Variants in PSEN2 observed in about 807,000 individuals in gnomAD.
PSEN2 encodes the protein presenilin-2.
In PSEN2, 32 loss-of-function variants were observed where a neutral mutation model predicts 49.1. The ratio of observed to expected loss-of-function variants is 0.65; its 90% confidence interval spans 0.49 to 0.88. The LOEUF (loss-of-function observed/expected upper bound fraction) is 0.88, where lower values mean the gene tolerates loss of function less well. PSEN2 is among the 40% of genes least tolerant of loss of function. PSEN2 has a pLI of 0.00. For missense variants in PSEN2, 522 were observed against 586.9 expected (o/e 0.89, Z 1.14); for synonymous variants, 255 against 244.0 (o/e 1.05, Z -0.42).
At chr1:226,885,463 C>A in intron 5 of PSEN2, 75 bp from the exon 6 acceptor site, 1 of 1,562,050 alleles carries the variant, frequency 6.4e-7, no homozygotes, top group Admixed American at 1.8e-5. Context: ...CCTAGCAGGT[C>A]CAGAATCACT....
At chr1:226,888,206 G>T in intron 7 of PSEN2, 48 bp downstream of exon 7, 1 of 1,484,518 alleles carries the variant, frequency 6.7e-7, no homozygotes, top group South Asian at 1.1e-5. Context: ...CTCTCCATGT[G>T]GCACAAGTGG....
At chr1:226,892,921 C>T (rs1379676446) in intron 11 of PSEN2, among the ~76,000 whole-genome samples, 1 of 152,258 alleles carries the variant, frequency 6.6e-6, no homozygotes, top group Middle Eastern at 3.4e-3. Context: ...CTTAAAATTG[C>T]AGTTTGTTTT....
chr1:226,897,107 T>C (rs1338536858), downstream of PSEN2, among the ~76,000 whole-genome samples: 1 of 151,912 alleles, frequency 6.6e-6, no homozygotes, highest in African/African-American at 2.4e-5. Context: ...AGACCTGGGA[T>C]GGGGGGCATT....
intron 7 of PSEN2, 46 bp downstream of exon 7, chr1:226,888,204 G>A: frequency 6.7e-7 from 1 of 1,489,010 alleles, no homozygotes; most frequent in Non-Finnish European, 9.4e-7. Flanking sequence ...CCCTCTCCAT[G>A]TGGCACAAGT....
intron 5 of PSEN2, 96 bp downstream of exon 5, chr1:226,884,015 C>A: frequency 9.4e-7 from 1 of 1,061,980 alleles, no homozygotes; most frequent in Non-Finnish European, 1.4e-6. Flanking sequence ...GTACCTGCAG[C>A]TCCACACCAG....
intron 2 of PSEN2, among the ~76,000 whole-genome samples, chr1:226,873,070 A>G (rs1167568819): frequency 6.6e-6 from 1 of 152,008 alleles, no homozygotes; most frequent in Admixed American, 6.5e-5. Flanking sequence ...CCAGCTACTC[A>G]GGAGGCTGAG....
intron 6 of PSEN2, among the ~76,000 whole-genome samples, chr1:226,887,798 A>G (rs1661459842): frequency 6.6e-6 from 1 of 152,122 alleles, no homozygotes; most frequent in Non-Finnish European, 1.5e-5. Flanking sequence ...CAAGTAGGAG[A>G]CACCCAGCAT....
At chr1:226,891,256 T>G (rs1661721704) in intron 9 of PSEN2, 22 bp from the exon 10 acceptor site, 1 of 1,611,782 alleles carries the variant, frequency 6.2e-7, no homozygotes, top group African/African-American at 1.3e-5. Context: ...GCCTGAGATG[T>G]GAACCTTTTC....
At chr1:226,872,580 G>A (rs984654557) in intron 2 of PSEN2, among the ~76,000 whole-genome samples, 7 of 152,158 alleles carry the variant, frequency 4.6e-5, no homozygotes, top group African/African-American at 1.4e-4. Flanking sequence ...GTCCCCATGA[G>A]CAACTTCCTG....
chr1:226,891,001 G>A (rs1306901070), intron 9 of PSEN2: 9 of 491,458 alleles, frequency 1.8e-5, no homozygotes, highest in South Asian at 4.6e-5. Context: ...CCCAGGGCTC[G>A]GGGGATTCAC....
At position 226,895,616 on chromosome 1, in the gene PSEN2, A is replaced by G. The variant is rs1381176458; in HGVS notation, c.*37A>G. On this transcript the variant is annotated 3_prime_UTR_variant, in exon 13 of 13. Transcript: ENST00000366783. ...TGCCACAGGCTGCAAGCTGCAGGGA[A>G]TTTTCATTGGATGCAGTTGTATAGT... is the stretch of plus-strand genomic sequence containing the variant. The G allele has an allele frequency of 1.3e-6, 2 of 1,590,478 alleles. No homozygotes were observed. The highest frequency in any genetic ancestry group is 1.8e-5 in the Admixed American group (1 of 56,694).
intron 11 of PSEN2, 41 bp downstream of exon 11, chr1:226,891,885 C>A: frequency 6.3e-7 from 1 of 1,581,250 alleles, no homozygotes; most frequent in Non-Finnish European, 8.7e-7. Context: ...CAGCCTACGG[C>A]GGGAGCGGAG....
chr1:226,889,255 G>A (rs1439277641), intron 8 of PSEN2, among the ~76,000 whole-genome samples: 6 of 152,060 alleles, frequency 3.9e-5, no homozygotes, highest in South Asian at 2.1e-4. Flanking sequence ...TAGATAAAAC[G>A]CAGTAGTCAC....
chr1:226,872,476 T>C (rs1235199031), intron 2 of PSEN2, among the ~76,000 whole-genome samples: 2 of 152,376 alleles, frequency 1.3e-5, no homozygotes, highest in African/African-American at 2.4e-5. Flanking sequence ...CATAGCTGGC[T>C]ACACTGTCTT....
chr1:226,887,504 T>C (rs529146535), intron 6 of PSEN2, among the ~76,000 whole-genome samples: 1 of 152,280 alleles, frequency 6.6e-6, no homozygotes, highest in East Asian at 1.9e-4. Context: ...TCTCCCATCC[T>C]TGGCCAGGAG....
chr1:226,884,617 TA>T (rs1203605084), intron 5 of PSEN2: 4 of 152,014 alleles, frequency 2.6e-5, no homozygotes, highest in Non-Finnish European at 5.9e-5. Flanking sequence ...TTGTTTCTTT[TA>T]AAGAAAGGAA....
rs964890810 is a variant in PSEN2 at position 226,881,957 on chromosome 1, G to T, written c.50G>T (p.Arg17Leu). 1.2e-6 allele frequency: 2 copies of T among 1,613,990 alleles called. No individual in the cohort carries two copies. Among genetic ancestry groups the T allele is most frequent in the East Asian group, 2.2e-5 (1 of 44,902 alleles). The stretch of plus-strand genomic sequence containing the variant: ...AGCGAGGAAGAAGTGTGTGATGAGC[G>T]GACGTCCCTAATGTCGGCTGAGAGC... ...SDSEEEVCDE[R>L]TSLMSAESPT... is the part of the protein sequence containing the mutation. The change falls in exon 4 of 13, where the codon CGG (arginine) becomes CTG (leucine). Residue 17 changes from arginine to leucine, a missense_variant. Transcript: ENST00000366783.
chr1:226,881,877 C>T lies in PSEN2; in HGVS notation c.-20-11C>T, dbSNP rs1011326460. ...GAAAGTGGAACAAGGTCCTTGTGCT[C>T]CTTTTTCCAGGTGCTTCCAGAGGCA... On this transcript the variant is annotated splice_polypyrimidine_tract_variant and intron_variant, in intron 3 of 12. Coordinates refer to ENST00000366783, the MANE Select transcript of PSEN2 (RefSeq NM_000447.3). The T allele has an allele frequency of 1.2e-6, 2 of 1,614,100 alleles. No individual in the cohort carries two copies. The highest frequency in any genetic ancestry group is 1.7e-6 in the Non-Finnish European group (2 of 1,180,048).
In PSEN2 at chr1:226,889,033, C is replaced by T. The variant is rs7539017; in HGVS notation, c.771C>T (p.Gly257=). The change falls in exon 8 of 13, where the codon GGC becomes GGT. Residue 257 remains glycine, a synonymous_variant. Coordinates refer to ENST00000366783, the MANE Select transcript of PSEN2 (RefSeq NM_000447.3). ...LPEWSAWVIL[G]AISVYDLVAV... is the part of the protein sequence containing the mutation. Reference sequence around the variant, plus strand: ...AGTGGTCCGCGTGGGTCATCCTGGGCGCCATCTCTGTGTATGGTAGGTGGG... The same window carrying T: ...AGTGGTCCGCGTGGGTCATCCTGGGTGCCATCTCTGTGTATGGTAGGTGGG... 2.4e-5 allele frequency: 38 copies of T among 1,613,684 alleles called. No homozygotes were observed. The Admixed American group carries it at 4.3e-4, about 18-fold the overall frequency.
Sources: gnomAD v4.1 joint callset for allele counts (sites outside exome capture counted in the v4.1 genomes callset) on GRCh38, gnomAD v4.1.1 for gene constraint, MANE v1.5 for transcripts, NCBI Gene and HGNC (gene_info 2026-07-23, HGNC 2026-07-21) for gene names.